TMCC1: variants seen among roughly 807,000 people sequenced by gnomAD.
TMCC1 encodes transmembrane and coiled-coil domain family 1.
TMCC1 carries 15 observed loss-of-function variants against 52.4 expected under a neutral mutation model. The ratio of observed to expected loss-of-function variants is 0.29; its 90% CI spans 0.19 to 0.44. TMCC1 has a LOEUF of 0.44. Among genes scored for constraint, TMCC1 ranks in the 20% least tolerant of loss-of-function variants. TMCC1 has a pLI of 1.00. For missense variants in TMCC1, 503 were observed against 806.0 expected, an observed-to-expected ratio of 0.62 and a Z score of 4.55; for synonymous variants, 279 against 301.9, an observed-to-expected ratio of 0.92 and a Z score of 0.79.
chr3:129,656,664 C>T (rs1003873146), intron 5 of TMCC1: 5 of 152,046 alleles, frequency 3.3e-5, no homozygotes, highest in African/African-American at 4.8e-5. Flanking sequence ...ACCCTTTTTA[C>T]GATGTTACTA....
At chr3:129,891,737 G>A (rs763371941) in intron 1 of TMCC1, among the ~76,000 whole-genome samples, 1 of 152,090 alleles carries the variant, frequency 6.6e-6, no homozygotes, top group Non-Finnish European at 1.5e-5. Context: ...AAACATCCTG[G>A]AACAAAGTAA....
intron 4 of TMCC1, among the ~76,000 whole-genome samples, chr3:129,764,506 C>T (rs1412487969): frequency 6.6e-6 from 1 of 151,934 alleles, no homozygotes; most frequent in Non-Finnish European, 1.5e-5. Context: ...ATAATAATGG[C>T]AATACATTAG....
chr3:129,823,664 A>G (rs1047223012), intron 4 of TMCC1, among the ~76,000 whole-genome samples: 1 of 152,220 alleles, frequency 6.6e-6, no homozygotes, highest in African/African-American at 2.4e-5. Context: ...ACAGTCTGCA[A>G]TAGTAATTAC....
intron 4 of TMCC1, among the ~76,000 whole-genome samples, chr3:129,778,827 T>C (rs1303423337): frequency 3.9e-5 from 6 of 152,178 alleles, no homozygotes; most frequent in African/African-American, 1.4e-4. Context: ...TCTGCCGTGA[T>C]TGTAAGTTTC....
intron 4 of TMCC1, among the ~76,000 whole-genome samples, chr3:129,825,669 A>C (rs1388178070): frequency 1.3e-5 from 2 of 152,224 alleles, no homozygotes; most frequent in African/African-American, 2.4e-5. Flanking sequence ...ACACTAAATG[A>C]AAGAAGTCAA....
chr3:129,819,557 T>C lies in TMCC1; in HGVS notation c.576+8246A>G, dbSNP rs866010024. Among the ~76,000 whole-genome samples, 34 of 152,206 alleles carry C rather than the reference T, an allele frequency of 2.2e-4. 1 individual carries two copies. Among genetic ancestry groups the C allele is most frequent in the Non-Finnish European group, 2.9e-5 (2 of 67,996 alleles). On this transcript the variant is annotated intron_variant, in intron 4 of 6. Coordinates refer to ENST00000393238, the MANE Select transcript of TMCC1 (RefSeq NM_001017395.5). ...AATTAAAGATGAAAGGTAAGTCAGA[T>C]CACAAAAAGGAAAAACAATTTCAAA...
chr3:129,890,221 G>T (rs1228847089), intron 1 of TMCC1, among the ~76,000 whole-genome samples: 2 of 152,198 alleles, frequency 1.3e-5, no homozygotes, highest in Non-Finnish European at 2.9e-5. Flanking sequence ...AGGGTCATGT[G>T]GCAGAACTAA....
chr3:129,792,853 C>T (rs778225521), intron 4 of TMCC1, among the ~76,000 whole-genome samples: 21 of 152,126 alleles, frequency 1.4e-4, no homozygotes, highest in Non-Finnish European at 2.4e-4. Context: ...GAGGATGCAT[C>T]CCATTCCTTC....
At chr3:129,668,817 G>T (rs1164025329) in intron 5 of TMCC1, among the ~76,000 whole-genome samples, 1 of 152,080 alleles carries the variant, frequency 6.6e-6, no homozygotes, top group Admixed American at 6.5e-5. Flanking sequence ...TAGAGACAAG[G>T]TTTCTCCATG....
At chr3:129,698,774 T>C (rs1380107828) in intron 4 of TMCC1, among the ~76,000 whole-genome samples, 3 of 151,936 alleles carry the variant, frequency 2.0e-5, no homozygotes, top group Admixed American at 6.6e-5. Context: ...TTTTAAGGAG[T>C]TGTAAACAAC....
chr3:129,886,407 C>T (rs1237411358), intron 1 of TMCC1, among the ~76,000 whole-genome samples: 1 of 152,104 alleles, frequency 6.6e-6, no homozygotes, highest in Non-Finnish European at 1.5e-5. Context: ...ACAGTGGTTA[C>T]ATACTCAAGA....
rs62776661 is a variant in TMCC1, at chr3:129,723,401, A to AT, written c.577-52138dup. On this transcript the variant is annotated intron_variant, in intron 4 of 6. Coordinates refer to ENST00000393238, the MANE Select transcript of TMCC1 (RefSeq NM_001017395.5). ...TTTTGGCCACCTAGATCCATCAAGAATTTTTTTTTTTTAATTTAATAAGTA... is the reference window on the plus strand; with the variant it reads ...TTTTGGCCACCTAGATCCATCAAGAATTTTTTTTTTTTTAATTTAATAAGTA... 8.1e-4 allele frequency among the ~76,000 whole-genome samples: 103 copies of AT among 126,750 alleles called. 1 individual carries two copies. Among genetic ancestry groups the AT allele is most frequent in the South Asian group, 5.3e-3 (21 of 3,944 alleles). The allele number at this position is 126,750 out of a possible 152,430, so 83.2% of individuals were successfully genotyped here. A position where few individuals can be genotyped will look rare whatever the true frequency, so the allele number is the denominator to read the frequency against.
At chr3:129,718,843 TA>T (rs752805140) in intron 4 of TMCC1, among the ~76,000 whole-genome samples, 7 of 152,222 alleles carry the variant, frequency 4.6e-5, no homozygotes, top group Non-Finnish European at 1.0e-4. Flanking sequence ...AAATATGTGT[TA>T]ACAGTTTATG....
Position 129,739,357 on chromosome 3 carries a change from G to A in TMCC1, c.577-68093C>T, listed in dbSNP as rs367974459. Among the ~76,000 whole-genome samples, 13 of 152,112 alleles carry A rather than the reference G, an allele frequency of 8.5e-5. No individual in the cohort carries two copies. The East Asian group carries it at 1.7e-3, about 20-fold the overall frequency. On this transcript the variant is annotated intron_variant, in intron 4 of 6. Transcript: ENST00000393238. ...TAATTTTTGTATTTTCAGTAGAGAC[G>A]GAATTCTACCATGTTGGCCAGGCTG...
At chr3:129,699,295 G>A (rs1330288011) in intron 4 of TMCC1, among the ~76,000 whole-genome samples, 1 of 152,288 alleles carries the variant, frequency 6.6e-6, no homozygotes, top group African/African-American at 2.4e-5. Context: ...CAGTAAAGAC[G>A]CCAGCGAAAA....
In TMCC1 at chr3:129,672,382, G is replaced by A. The variant is rs1436681926; in HGVS notation, c.577-1118C>T. On this transcript the variant is annotated intron_variant, in intron 4 of 6. Transcript: ENST00000393238. Reference sequence around the variant, plus strand: ...GGAGGTCAAAGGAGAAGGATCACTTGAGGCCAAGAGTTTAAGACCACCCTG... The same window carrying A: ...GGAGGTCAAAGGAGAAGGATCACTTAAGGCCAAGAGTTTAAGACCACCCTG... 2.0e-5 allele frequency among the ~76,000 whole-genome samples: 3 copies of A among 152,116 alleles called. No homozygotes were observed. In the East Asian group the frequency reaches 5.8e-4, roughly 29 times the overall value.
chr3:129,714,602 G>A (rs1284911372), intron 4 of TMCC1, among the ~76,000 whole-genome samples: 1 of 152,078 alleles, frequency 6.6e-6, no homozygotes, highest in Non-Finnish European at 1.5e-5. Context: ...TTTTCTGTTA[G>A]AACTTTTGGA....
chr3:129,798,756 C>T (rs2057008024), intron 4 of TMCC1, among the ~76,000 whole-genome samples: 1 of 152,154 alleles, frequency 6.6e-6, no homozygotes, highest in East Asian at 1.9e-4. Context: ...ATGGGAATAG[C>T]TCATTAACAA....
chr3:129,670,246 A>T, intron 5 of TMCC1, 84 bp downstream of exon 5: 1 of 1,425,364 alleles, frequency 7.0e-7, no homozygotes. Flanking sequence ...AGAAAGATAA[A>T]GACTTTTAAA....
Sources: gnomAD v4.1 joint callset for allele counts (sites outside exome capture counted in the v4.1 genomes callset) on GRCh38, gnomAD v4.1.1 for gene constraint, MANE v1.5 for transcripts, NCBI Gene and HGNC (gene_info 2026-07-23, HGNC 2026-07-21) for gene names.